SREK1: variants seen among roughly 807,000 people sequenced by gnomAD.
SREK1 encodes splicing regulatory glutamic acid and lysine rich protein 1, also known as splicing regulatory glutamine/lysine-rich protein 1.
Under a neutral mutation model 66.5 loss-of-function variants are expected in SREK1, and 13 were observed. The ratio of observed to expected loss-of-function variants is 0.20; its 90% CI spans 0.13 to 0.31. SREK1 has a LOEUF of 0.31. Ranked by LOEUF, SREK1 falls within the 10% of genes least tolerant of loss-of-function variation. The probability of loss-of-function intolerance (pLI) is 1.00; values close to 1 mark genes in which losing one functional copy is unlikely to be tolerated. For missense variants in SREK1, 607 were observed against 769.6 expected (o/e 0.79, Z 2.50); for synonymous variants, 265 against 263.5 (o/e 1.01, Z -0.05).
At chr5:66,150,524 AT>A (rs1436316168) in intron 1 of SREK1, among the ~76,000 whole-genome samples, 1 of 152,208 alleles carries the variant, frequency 6.6e-6, no homozygotes, top group Non-Finnish European at 1.5e-5. Context: ...GAAATTTGAT[AT>A]GTGGAGTGAC....
intron 7 of SREK1, chr5:66,166,968 C>G (rs1745229713): frequency 6.6e-6 from 1 of 152,170 alleles, no homozygotes; most frequent in African/African-American, 2.4e-5. Context: ...CCCCAGAAAT[C>G]AGGAAGGGAA....
In SREK1 at chr5:66,178,805, A is replaced by G. The variant is rs1022854817; in HGVS notation, c.1812A>G (p.Ile604Met). ...KDAPRTEENK[I>M]QHNGNCQLNE... ...CACCAAGGACTGAGGAAAACAAAAT[A>G]CAGCACAATGGGAATTGTCAGCTGA... The change falls in exon 12 of 12, where the codon ATA becomes ATG. Residue 604 changes from isoleucine (I) to methionine (M), a missense_variant. Physicochemically the swap from Ile to Met is conservative, Grantham distance 10 (BLOSUM62 1). Transcript: ENST00000334121. The G allele has an allele frequency of 2.5e-6, 4 of 1,612,780 alleles. No individual in the cohort carries two copies. The highest frequency in any genetic ancestry group is 3.4e-6 in the Non-Finnish European group (4 of 1,179,058).
chr5:66,173,073 T>C (rs2112090530), intron 9 of SREK1, among the ~76,000 whole-genome samples: 1 of 152,000 alleles, frequency 6.6e-6, no homozygotes, highest in Non-Finnish European at 1.5e-5. Flanking sequence ...CCTCAGGTGA[T>C]CCACCCGCCT....
At chr5:66,158,667 G>A (rs934948300) in intron 2 of SREK1, 14 of 573,324 alleles carry the variant, frequency 2.4e-5, no homozygotes, top group South Asian at 7.8e-5. Flanking sequence ...CAGGATAGGG[G>A]CACTCATTAA....
intron 1 of SREK1, among the ~76,000 whole-genome samples, chr5:66,151,394 A>C (rs1297567576): frequency 6.6e-6 from 1 of 152,196 alleles, no homozygotes; most frequent in Admixed American, 6.5e-5. Flanking sequence ...ATGGAATTTT[A>C]TTGTGTACCT....
At chr5:66,174,044 G>A (rs1745861283) in intron 9 of SREK1, among the ~76,000 whole-genome samples, 2 of 151,872 alleles carry the variant, frequency 1.3e-5, no homozygotes, top group African/African-American at 4.9e-5. Context: ...CTTAGAATCA[G>A]TTTCCTGAAA....
intron 2 of SREK1, chr5:66,158,851 T>G (rs1172129118): frequency 1.5e-6 from 2 of 1,291,430 alleles, no homozygotes; most frequent in Non-Finnish European, 2.0e-6. Flanking sequence ...AACACAACTT[T>G]CGATCACCGC....
In SREK1 at chr5:66,153,450, T is replaced by C. The variant is rs1487494992; in HGVS notation, c.162-13T>C. 2 of 1,601,074 alleles carry C rather than the reference T, an allele frequency of 1.2e-6. No homozygotes were observed. The highest frequency in any genetic ancestry group is 3.6e-5 in the Admixed American group (2 of 55,904). Reference sequence around the variant, plus strand: ...TGTTTATTAGTTCAATTGTTTTTCTTTTTATCTTGCAGCAACGCACCTCTT... The same window carrying C: ...TGTTTATTAGTTCAATTGTTTTTCTCTTTATCTTGCAGCAACGCACCTCTT... On this transcript the variant is annotated splice_polypyrimidine_tract_variant and intron_variant, in intron 1 of 11. Transcript: ENST00000334121.
intron 2 of SREK1, chr5:66,157,278 A>G: frequency 1.0e-6 from 1 of 985,212 alleles, no homozygotes; most frequent in Non-Finnish European, 1.2e-6. Context: ...TCATAATACT[A>G]AGTAGTCAAC....
rs1746279289 is a variant in SREK1 at position 66,178,787 on chromosome 5, G to A, written c.1794G>A (p.Arg598=). 1 of 1,612,662 alleles carries A rather than the reference G, an allele frequency of 6.2e-7. No individual in the cohort carries two copies. The highest frequency in any genetic ancestry group is 8.5e-7 in the Non-Finnish European group (1 of 1,179,012). Residue 598 remains arginine, a synonymous_variant, in exon 12 of 12, where the codon AGG becomes AGA. Coordinates refer to ENST00000334121, the MANE Select transcript of SREK1 (RefSeq NM_001077199.3). ...SKEVDDKDAP[R]TEENKIQHNG... ...AAGTAGATGACAAGGATGCACCAAG[G>A]ACTGAGGAAAACAAAATACAGCACA... is the stretch of plus-strand genomic sequence containing the variant.
Position 66,162,279 on chromosome 5 carries a change from TAATTA to T in SREK1, c.576+9_576+13del, listed in dbSNP as rs1469723993. On this transcript the variant is annotated splice_region_variant and intron_variant, in intron 4 of 11. Coordinates refer to ENST00000334121, the MANE Select transcript of SREK1 (RefSeq NM_001077199.3). ...TTGGAAATCTGAATTCCCAGGTAAC[TAATTA>T]AAGAAGAAACAAAGCAGCAGTAGCC... is the stretch of plus-strand genomic sequence containing the variant. The T allele has an allele frequency of 3.2e-5, 51 of 1,613,722 alleles. No homozygotes were observed. The highest frequency in any genetic ancestry group is 4.2e-5 in the Non-Finnish European group (49 of 1,179,846).
At chr5:66,164,532 T>A in intron 6 of SREK1, 1 of 1,374,228 alleles carries the variant, frequency 7.3e-7, no homozygotes, top group Non-Finnish European at 9.7e-7. Flanking sequence ...AGACATGTTG[T>A]AATCGTACGT....
intron 4 of SREK1, 40 bp from the exon 5 acceptor site, chr5:66,162,374 A>C (rs748961971): frequency 1.9e-6 from 3 of 1,606,190 alleles, no homozygotes; most frequent in East Asian, 2.2e-5. Context: ...TGATTTTTTA[A>C]ATGGATATAT....
chr5:66,157,036 G>A, intron 2 of SREK1: 1 of 984,878 alleles, frequency 1.0e-6, no homozygotes, highest in South Asian at 4.7e-5. Context: ...TTCTATCTTG[G>A]AAATTAAGCA....
intron 6 of SREK1, chr5:66,164,556 A>C: frequency 6.8e-7 from 1 of 1,476,296 alleles, no homozygotes; most frequent in Non-Finnish European, 9.0e-7. Context: ...GGCAGCAACA[A>C]AATATTACGA....
intron 1 of SREK1, 124 bp downstream of exon 1, chr5:66,144,661 T>G (rs944378221): frequency 3.5e-6 from 5 of 1,414,066 alleles, no homozygotes; most frequent in African/African-American, 1.5e-5. Context: ...CGGCTTACCT[T>G]GGTGCCCATA....
chr5:66,175,200 T>G (rs1448633863), intron 10 of SREK1, among the ~76,000 whole-genome samples, 159 bp downstream of exon 10: 4 of 152,230 alleles, frequency 2.6e-5, no homozygotes, highest in African/African-American at 9.6e-5. Context: ...TCAGGAAGTC[T>G]TAATTTCCAC....
Position 66,170,706 on chromosome 5 carries a change from A to G in SREK1, c.1243A>G (p.Lys415Glu), listed in dbSNP as rs1171265915. The G allele has an allele frequency of 1.2e-6, 2 of 1,608,410 alleles. No homozygotes were observed. The highest frequency in any genetic ancestry group is 2.7e-5 in the African/African-American group (2 of 74,788). ...REKEKERGKNKDRDKEREKDR... is the reference protein window; with the variant it reads ...REKEKERGKNEDRDKEREKDR... Reference sequence around the variant, plus strand: ...AAAAGAAAAGGAACGGGGTAAAAACAAAGACCGGGACAAGGAACGGGAAAA... The same window carrying G: ...AAAAGAAAAGGAACGGGGTAAAAACGAAGACCGGGACAAGGAACGGGAAAA... The change falls in exon 9 of 12, where the codon AAA becomes GAA. Residue 415 changes from lysine to glutamate, a missense_variant. Coordinates refer to ENST00000334121, the MANE Select transcript of SREK1 (RefSeq NM_001077199.3).
chr5:66,175,644 T>C (rs1327972613), intron 10 of SREK1, among the ~76,000 whole-genome samples: 1 of 152,206 alleles, frequency 6.6e-6, no homozygotes, highest in Non-Finnish European at 1.5e-5. Context: ...GTTTGTAATT[T>C]TTGAGAGATA....
Sources: gnomAD v4.1 joint callset for allele counts (sites outside exome capture counted in the v4.1 genomes callset) on GRCh38, gnomAD v4.1.1 for gene constraint, MANE v1.5 for transcripts, NCBI Gene and HGNC (gene_info 2026-07-23, HGNC 2026-07-21) for gene names.